Variants in ZNF804B observed in about 807,000 individuals in gnomAD.
ZNF804B encodes the protein zinc finger 804B.
A neutral mutation model predicts 101.4 loss-of-function variants in ZNF804B; 80 were observed. The observed-to-expected ratio is 0.79, with a 90% CI of 0.66 to 0.95. The LOEUF (loss-of-function observed/expected upper bound fraction) is 0.95, where lower values mean the gene tolerates loss of function less well. ZNF804B is among the 40% of genes least tolerant of loss of function. ZNF804B has a pLI of 0.00. For synonymous variants in ZNF804B, 622 were observed against 558.8 expected, an observed-to-expected ratio of 1.11 and a Z score of -1.59; for missense variants, 1,673 against 1,561.9, an observed-to-expected ratio of 1.07 and a Z score of -1.20.
chr7:89,208,529 G>T (rs1320393985), intron 1 of ZNF804B, among the ~76,000 whole-genome samples: 3 of 152,206 alleles, frequency 2.0e-5, no homozygotes, highest in Non-Finnish European at 4.4e-5. Context: ...GCATGATTAA[G>T]CGATTAAGCA....
At chr7:89,294,168 T>C (rs989936140) in intron 2 of ZNF804B, among the ~76,000 whole-genome samples, 1 of 152,206 alleles carries the variant, frequency 6.6e-6, no homozygotes, top group African/African-American at 2.4e-5. Flanking sequence ...TCAGTAGATC[T>C]TCTAGCCTTT....
rs1790572474 is a variant in ZNF804B at position 88,801,027 on chromosome 7, A to G, written c.108+40943A>G. 2.0e-5 allele frequency among the ~76,000 whole-genome samples: 3 copies of G among 152,068 alleles called. No individual in the cohort carries two copies. The South Asian group carries it at 6.2e-4, about 31-fold the overall frequency. On this transcript the variant is annotated intron_variant, in intron 1 of 3. Transcript: ENST00000333190. The stretch of plus-strand genomic sequence containing the variant: ...GATTCAAACCCTGACTGTCTATTAG[A>G]ATAATCTAGTGGAGAATTTTTTATT...
In ZNF804B at chr7:88,867,182, G is replaced by GAT. The variant is rs766721283; in HGVS notation, c.108+107109_108+107110dup. 3.0e-4 allele frequency among the ~76,000 whole-genome samples: 45 copies of GAT among 152,018 alleles called. No homozygotes were observed. In the South Asian group the frequency reaches 5.4e-3, roughly 18 times the overall value. ...TCTCCAGAGAGACAGACCAATAGGA[G>GAT]ATATATATATATGAGAGAGGCGATT... is the stretch of plus-strand genomic sequence containing the variant. On this transcript the variant is annotated intron_variant, in intron 1 of 3. Transcript: ENST00000333190.
intron 1 of ZNF804B, among the ~76,000 whole-genome samples, chr7:89,039,619 C>T (rs1788984296): frequency 6.7e-6 from 1 of 149,448 alleles, no homozygotes; most frequent in African/African-American, 2.5e-5. Context: ...CATCTAAAAA[C>T]AGAAAAAATT....
chr7:89,130,050 CTG>C (rs1790524443), intron 1 of ZNF804B, among the ~76,000 whole-genome samples: 1 of 151,932 alleles, frequency 6.6e-6, no homozygotes, highest in South Asian at 2.1e-4. Context: ...CTCTTGGAAA[CTG>C]TAATATATAT....
chr7:89,207,457 G>GA (rs935905963), intron 1 of ZNF804B, among the ~76,000 whole-genome samples: 20 of 152,044 alleles, frequency 1.3e-4, no homozygotes, highest in African/African-American at 3.6e-4. Flanking sequence ...AACAGCACAG[G>GA]AAAAAACCCA....
intron 1 of ZNF804B, among the ~76,000 whole-genome samples, chr7:89,018,037 G>T (rs1788598974): frequency 6.6e-6 from 1 of 151,984 alleles, no homozygotes; most frequent in African/African-American, 2.4e-5. Context: ...TTCGAGCTAG[G>T]ATTTTCAGTA....
At chr7:88,926,864 T>C (rs558437899) in intron 1 of ZNF804B, among the ~76,000 whole-genome samples, 5 of 152,130 alleles carry the variant, frequency 3.3e-5, no homozygotes, top group African/African-American at 1.2e-4. Flanking sequence ...TGTAGACTTT[T>C]TATTTTTTGC....
chr7:89,243,238 A>C (rs745477658), intron 2 of ZNF804B, among the ~76,000 whole-genome samples: 38 of 151,826 alleles, frequency 2.5e-4, no homozygotes, highest in Non-Finnish European at 4.0e-4. Flanking sequence ...AAATGAAATC[A>C]GGCAGTTACA....
intron 1 of ZNF804B, among the ~76,000 whole-genome samples, chr7:88,922,983 A>C (rs1445642139): frequency 1.3e-5 from 2 of 152,130 alleles, no homozygotes; most frequent in African/African-American, 4.8e-5. Flanking sequence ...TAATTAAGTA[A>C]TTATTGAAGA....
In ZNF804B at chr7:88,996,088, G is replaced by A. The variant is rs112200168; in HGVS notation, c.109-222067G>A. On this transcript the variant is annotated intron_variant, in intron 1 of 3. Coordinates refer to ENST00000333190, the MANE Select transcript of ZNF804B (RefSeq NM_181646.5). ...AGAAATTAAATAAAATCTAAGGAAA[G>A]CTGCACGAAGTATGGACTTCAGTAG... is the stretch of plus-strand genomic sequence containing the variant. 6.9e-3 allele frequency among the ~76,000 whole-genome samples: 1,050 copies of A among 152,102 alleles called. 8 individuals carry two copies. The highest frequency in any genetic ancestry group is 0.011 in the Admixed American group (162 of 15,232).
At chr7:88,865,404 C>T (rs1002210917) in intron 1 of ZNF804B, among the ~76,000 whole-genome samples, 1 of 151,868 alleles carries the variant, frequency 6.6e-6, no homozygotes, top group Non-Finnish European at 1.5e-5. Context: ...TGGTGGTATG[C>T]ACCTGTGGTC....
chr7:88,905,919 ATAG>A (rs1336109134), intron 1 of ZNF804B, among the ~76,000 whole-genome samples: 2 of 98,446 alleles, frequency 2.0e-5, no homozygotes, highest in Admixed American at 2.0e-4. Flanking sequence ...TTTGGGGTTG[ATAG>A]TTTTTTTTTT....
At chr7:89,101,496 C>T (rs1389758495) in intron 1 of ZNF804B, among the ~76,000 whole-genome samples, 1 of 151,744 alleles carries the variant, frequency 6.6e-6, no homozygotes, top group Non-Finnish European at 1.5e-5. Context: ...TTAATTATTT[C>T]TCACTTTTAA....
At chr7:89,181,772 C>A (rs2115583695) in intron 1 of ZNF804B, among the ~76,000 whole-genome samples, 1 of 152,250 alleles carries the variant, frequency 6.6e-6, no homozygotes, top group South Asian at 2.1e-4. Flanking sequence ...TCTTGTTTTG[C>A]CTACTCCCTT....
At chr7:88,827,239 A>T (rs911735174) in intron 1 of ZNF804B, among the ~76,000 whole-genome samples, 2 of 151,898 alleles carry the variant, frequency 1.3e-5, no homozygotes, top group Non-Finnish European at 1.5e-5. Flanking sequence ...CACAGTTTTA[A>T]AAATAAACTC....
At chr7:89,129,556 C>T (rs1432267412) in intron 1 of ZNF804B, among the ~76,000 whole-genome samples, 1 of 151,996 alleles carries the variant, frequency 6.6e-6, no homozygotes, top group Non-Finnish European at 1.5e-5. Context: ...TACAGTAGTT[C>T]TCAGAGTCTT....
intron 1 of ZNF804B, among the ~76,000 whole-genome samples, chr7:89,001,695 T>A (rs1372221497): frequency 6.6e-6 from 1 of 151,968 alleles, no homozygotes; most frequent in African/African-American, 2.4e-5. Context: ...AACTGTATGA[T>A]GATTAGGGCT....
At chr7:88,929,645 A>G (rs1792853719) in intron 1 of ZNF804B, among the ~76,000 whole-genome samples, 1 of 151,926 alleles carries the variant, frequency 6.6e-6, no homozygotes, top group Non-Finnish European at 1.5e-5. Flanking sequence ...TAGTGATAGT[A>G]TTGGTTTGCT....
Sources: allele counts gnomAD v4.1 joint callset (sites outside exome capture counted in the v4.1 genomes callset), GRCh38; gene constraint gnomAD v4.1.1; transcripts MANE v1.5; gene names NCBI Gene and HGNC (gene_info 2026-07-23, HGNC 2026-07-21).